Variants in C11orf65 observed in about 807,000 individuals in gnomAD.
C11orf65 encodes chromosome 11 open reading frame 65.
A neutral mutation model predicts 35.3 loss-of-function variants in C11orf65; 38 were observed. That is an observed-to-expected ratio of 1.08 (90% CI 0.83 to 1.41). The LOEUF is 1.41. Ranked by LOEUF, C11orf65 falls within the 40% of genes most tolerant of loss-of-function variation. The pLI is 0.00. For synonymous variants in C11orf65, 105 were observed against 114.4 expected (o/e 0.92, Z 0.53); for missense variants, 370 against 367.1 (o/e 1.01, Z -0.06).
chr11:108,382,198 A>T (rs2091880154), downstream of C11orf65, among the ~76,000 whole-genome samples: 1 of 152,166 alleles, frequency 6.6e-6, no homozygotes, highest in African/African-American at 2.4e-5. Flanking sequence ...AACCCTCAGA[A>T]ACTGAATGAG....
intron 3 of C11orf65, among the ~76,000 whole-genome samples, chr11:108,414,048 A>G (rs2092695549): frequency 6.6e-6 from 1 of 152,088 alleles, no homozygotes. Flanking sequence ...CAAGCAGACG[A>G]AAATAAATAA....
In C11orf65 at chr11:108,376,674, A is replaced by G. The variant is rs907698553; in HGVS notation, c.226+16534T>C. On this transcript the variant is annotated intron_variant, in intron 2 of 3. Coordinates refer to the C11orf65 transcript ENST00000524755. The stretch of plus-strand genomic sequence containing the variant: ...TAGAGACACAAAAAACCGTTCAAAA[A>G]ATTAATGAATCCAGGAGCTGGTTTT... 1.9e-4 allele frequency among the ~76,000 whole-genome samples: 29 copies of G among 152,194 alleles called. 1 individual carries two copies. The highest frequency in any genetic ancestry group is 3.1e-4 in the Non-Finnish European group (21 of 68,054).
intron 2 of C11orf65, among the ~76,000 whole-genome samples, chr11:108,356,968 C>T (rs1225938677): frequency 5.3e-5 from 8 of 152,204 alleles, no homozygotes; most frequent in African/African-American, 1.7e-4. Context: ...GGAACAGCTC[C>T]GGTATACAGC....
chr11:108,412,444 G>A (rs150657384), intron 3 of C11orf65, among the ~76,000 whole-genome samples: 6 of 152,160 alleles, frequency 3.9e-5, no homozygotes, highest in Middle Eastern at 3.4e-3. Flanking sequence ...CTGTCAGAGC[G>A]GATAAAAAAT....
intron 2 of C11orf65, among the ~76,000 whole-genome samples, chr11:108,345,493 T>C (rs1256911599): frequency 1.3e-5 from 2 of 152,182 alleles, no homozygotes; most frequent in Admixed American, 6.5e-5. Flanking sequence ...TTATTCAAAT[T>C]AGAATTTAAT....
chr11:108,453,016 G>C (rs563320155), intron 2 of C11orf65, among the ~76,000 whole-genome samples: 42 of 109,022 alleles, frequency 3.9e-4, no homozygotes, highest in African/African-American at 1.4e-3. Context: ...GGGGGGAGGG[G>C]GGAGGGATAG....
intron 2 of C11orf65, among the ~76,000 whole-genome samples, chr11:108,361,486 G>C (rs76789362): frequency 1.6e-4 from 25 of 151,938 alleles, no homozygotes; most frequent in Non-Finnish European, 1.8e-4. Context: ...GCCCGCATCG[G>C]CAAGTCAATC....
intron 3 of C11orf65, among the ~76,000 whole-genome samples, chr11:108,422,034 C>T (rs1174112743): frequency 3.3e-5 from 5 of 152,122 alleles, no homozygotes; most frequent in Non-Finnish European, 5.9e-5. Context: ...CTGGCCCAAG[C>T]GATTCTCCTG....
chr11:108,321,347 T>C (rs2136239993), intron 6 of C11orf65: 1 of 1,614,196 alleles, frequency 6.2e-7, no homozygotes. Context: ...TGAGTCTGTG[T>C]ATTCGCTCTA....
downstream of C11orf65, chr11:108,331,362 T>C: frequency 6.5e-7 from 1 of 1,535,098 alleles, no homozygotes. Flanking sequence ...AGGAGCACTG[T>C]CTTAAAATAA....
chr11:108,319,503 T>C (rs1834045045), intron 6 of C11orf65, among the ~76,000 whole-genome samples: 1 of 152,194 alleles, frequency 6.6e-6, no homozygotes, highest in Admixed American at 6.5e-5. Context: ...CTTTCTTGAT[T>C]ACCCATTCTA....
intron 2 of C11orf65, among the ~76,000 whole-genome samples, chr11:108,439,184 T>C (rs2093112334): frequency 1.3e-5 from 2 of 152,238 alleles, no homozygotes; most frequent in East Asian, 1.9e-4. Context: ...CTTGAATATA[T>C]ATTTCTCCAA....
chr11:108,438,218 G>T (rs2093094674), intron 2 of C11orf65, among the ~76,000 whole-genome samples: 1 of 152,098 alleles, frequency 6.6e-6, no homozygotes, highest in Non-Finnish European at 1.5e-5. Flanking sequence ...ATGAAATTGG[G>T]TCCTTAATTT....
At chr11:108,467,904 A>T (rs997488102), upstream of C11orf65, among the ~76,000 whole-genome samples, 7 of 152,044 alleles carry the variant, frequency 4.6e-5, no homozygotes, top group African/African-American at 1.7e-4. Flanking sequence ...GGCTCACTGC[A>T]GCCTGGAACT....
At chr11:108,392,226 T>C (rs2092180851) in intron 7 of C11orf65, among the ~76,000 whole-genome samples, 1 of 152,046 alleles carries the variant, frequency 6.6e-6, no homozygotes, top group Non-Finnish European at 1.5e-5. Context: ...TATTGATTTT[T>C]TGTAGAGATG....
At chr11:108,357,779 C>A (rs897666648) in intron 2 of C11orf65, among the ~76,000 whole-genome samples, 1 of 152,034 alleles carries the variant, frequency 6.6e-6, no homozygotes, top group African/African-American at 2.4e-5. Flanking sequence ...GATATCCACA[C>A]CAAAAACCCA....
chr11:108,415,672 A>G (rs993572799), intron 3 of C11orf65, among the ~76,000 whole-genome samples: 1 of 152,240 alleles, frequency 6.6e-6, no homozygotes, highest in African/African-American at 2.4e-5. Context: ...TCAGGTGAAC[A>G]ACAAAGTTGG....
intron 6 of C11orf65, among the ~76,000 whole-genome samples, chr11:108,394,179 C>CAAAAA (rs11387098): frequency 4.8e-5 from 4 of 82,628 alleles, no homozygotes; most frequent in Admixed American, 1.4e-4. Context: ...GACTCCATCT[C>CAAAAA]AAAAAAAAAA....
chr11:108,440,801 C>G (rs2093140315), intron 2 of C11orf65, among the ~76,000 whole-genome samples: 1 of 152,060 alleles, frequency 6.6e-6, no homozygotes, highest in African/African-American at 2.4e-5. Context: ...AATGGTAAAG[C>G]AAGTTACTAA....
Sources: gnomAD v4.1 joint callset for allele counts (sites outside exome capture counted in the v4.1 genomes callset) on GRCh38, gnomAD v4.1.1 for gene constraint, MANE v1.5 for transcripts, NCBI Gene and HGNC (gene_info 2026-07-23, HGNC 2026-07-21) for gene names.